The following DST variants were observed in gnomAD, a reference collection of about 807,000 sequenced individuals.
The protein encoded by DST is dystonin, also known as bullous pemphigoid antigen.
In DST, 253 loss-of-function variants were observed where a neutral mutation model predicts 875.2. That is an observed-to-expected ratio of 0.29 (90% confidence interval 0.26 to 0.32). The LOEUF is 0.32. Among genes scored for constraint, DST ranks in the 10% least tolerant of loss-of-function variants. The pLI is 1.00. For synonymous variants in DST, 3,124 were observed against 3,197.1 expected (o/e 0.98, Z 0.77); for missense variants, 8,287 against 9,111.6 (o/e 0.91, Z 3.68).
Position 56,590,220 on chromosome 6 carries a change from C to T in DST, c.12903+1962G>A, listed in dbSNP as rs142531623. Among the ~76,000 whole-genome samples, 7 of 152,286 alleles carry T rather than the reference C, an allele frequency of 4.6e-5. 1 individual carries two copies. The South Asian group carries it at 1.0e-3, about 23-fold the overall frequency. ...GTCTTAGGACTGTAAGAGTCTTCTG[C>T]AGCAATTACTAAATAGGTTTTTCCG... On this transcript the variant is annotated intron_variant, in intron 49 of 103. Coordinates refer to ENST00000680361, the MANE Select transcript of DST (RefSeq NM_001374736.1).
At chr6:56,701,357 T>A (rs561399974) in intron 8 of DST, among the ~76,000 whole-genome samples, 22 of 152,274 alleles carry the variant, frequency 1.4e-4, no homozygotes, top group African/African-American at 5.1e-4. Flanking sequence ...AGTTGGGGGC[T>A]ATTGTCAGAA....
At chr6:56,781,872 CTCT>C (rs1365576803) in intron 4 of DST, among the ~76,000 whole-genome samples, 1 of 152,100 alleles carries the variant, frequency 6.6e-6, no homozygotes, top group Non-Finnish European at 1.5e-5. Flanking sequence ...TCATAGATAG[CTCT>C]TATTATTTTG....
At chr6:56,865,988 T>G (rs60337113) in intron 3 of DST, among the ~76,000 whole-genome samples, 1,541 of 152,164 alleles carry the variant, frequency 0.01, 27 homozygotes, top group African/African-American at 0.036. Context: ...GTTTTTGTTT[T>G]TTTGTTTGTT....
chr6:56,620,667 GCA>G (rs775693057), intron 36 of DST: 1 of 1,614,070 alleles, frequency 6.2e-7, no homozygotes. Flanking sequence ...TGACGCTGAA[GCA>G]GATCTGAATA....
chr6:56,471,918 G>A (rs2094916622), intron 94 of DST, 141 bp downstream of exon 94: 1 of 859,854 alleles, frequency 1.2e-6, no homozygotes, highest in Non-Finnish European at 1.9e-6. Context: ...ATTTATTTTG[G>A]AAATTTAAAA....
chr6:56,701,950 G>A lies in DST; in HGVS notation c.892C>T (p.Arg298Trp), dbSNP rs2099309834. The change falls in exon 8 of 104, where the codon CGG (arginine) becomes TGG (tryptophan). Residue 298 changes from arginine to tryptophan, a missense_variant. This residue lies in a region of DST where 1,160 missense variants were observed against 1,424.3 expected (regional missense o/e 0.81). Transcript: ENST00000680361. ...TTCTGTAGTCTGTGAAAACGCATCCGACCTTTTTCTCTGGGCTAAGAACAG... is the reference window on the plus strand; with the variant it reads ...TTCTGTAGTCTGTGAAAACGCATCCAACCTTTTTCTCTGGGCTAAGAACAG... ...DEDKGPREKGRMRFHRLQNVQ... is the reference protein window; with the variant it reads ...DEDKGPREKGWMRFHRLQNVQ... 2.5e-6 allele frequency: 4 copies of A among 1,610,238 alleles called. No individual in the cohort carries two copies. The highest frequency in any genetic ancestry group is 1.3e-5 in the African/African-American group (1 of 74,968).
In DST at chr6:56,477,482, T is replaced by C. The variant is rs200006386; in HGVS notation, c.21538A>G (p.Met7180Val). The C allele has an allele frequency of 3.8e-4, 619 of 1,613,978 alleles. 4 individuals are homozygous for C. Among genetic ancestry groups the C allele is most frequent in the African/African-American group, 2.3e-3 (171 of 75,044 alleles). ...RTLIDQHKEF[M>V]KKLEEKRAEL... is the part of the protein sequence containing the mutation. ...GCTCTCTTTTCTTCCAGTTTCTTCA[T>C]GAATTCCTACAGCAGAAACAAAGAC... The change falls in exon 91 of 104, where the codon ATG becomes GTG. Residue 7180 changes from methionine (M) to valine (V), a missense_variant. Met to Val is a conservative substitution (Grantham distance 21). Transcript: ENST00000680361.
At chr6:56,521,113 T>C (rs989119255) in intron 69 of DST, among the ~76,000 whole-genome samples, 61 of 152,192 alleles carry the variant, frequency 4.0e-4, no homozygotes, top group African/African-American at 1.4e-3. Flanking sequence ...CATCAACTAA[T>C]TCAGCAGCTT....
At chr6:56,795,825 G>A (rs1279592347) in intron 4 of DST, among the ~76,000 whole-genome samples, 3 of 152,120 alleles carry the variant, frequency 2.0e-5, no homozygotes, top group Admixed American at 6.6e-5. Flanking sequence ...ATCAATCAGC[G>A]CTTTCAAAAT....
chr6:56,508,615 T>C lies in DST; in HGVS notation c.19153A>G (p.Ile6385Val), dbSNP rs764629153. Reference sequence around the variant, plus strand: ...CGGATGAAATCTTGAGTATCTTTAATGGTAACTATCAATGACATGTGATCA... The same window carrying C: ...CGGATGAAATCTTGAGTATCTTTAACGGTAACTATCAATGACATGTGATCA... ...WCDHMSLIVTIKDTQDFIRDL... is the reference protein window; with the variant it reads ...WCDHMSLIVTVKDTQDFIRDL... Residue 6385 changes from isoleucine to valine, a missense_variant, in exon 75 of 104, where the codon ATT becomes GTT. Around this residue, in one of 10 missense-constraint regions of DST, gnomAD observed 1,292 missense variants for 1,552.7 expected, o/e 0.83. Transcript: ENST00000680361. 4 of 1,613,898 alleles carry C rather than the reference T, an allele frequency of 2.5e-6. No homozygotes were observed. The highest frequency in any genetic ancestry group is 3.3e-5 in the Admixed American group (2 of 60,018).
At chr6:56,885,367 C>G (rs371452408) in intron 3 of DST, among the ~76,000 whole-genome samples, 2 of 152,176 alleles carry the variant, frequency 1.3e-5, no homozygotes, top group African/African-American at 4.8e-5. Flanking sequence ...TATGATAATG[C>G]TATTTTTTAA....
rs1319692530 is a variant in DST, at chr6:56,509,844, C to T, written c.18810G>A (p.Glu6270=). ...QFHDKIDQIL[E]SLERIVERLR... Reference sequence around the variant, plus strand: ...GACGTTCCACGATGCGTTCCAGGCTCTCAAGGATCTGATCTATCTTGTCAT... The same window carrying T: ...GACGTTCCACGATGCGTTCCAGGCTTTCAAGGATCTGATCTATCTTGTCAT... Residue 6270 remains glutamate (E), a synonymous_variant, in exon 74 of 104, where the codon GAG becomes GAA. Transcript: ENST00000680361. 3 of 1,612,236 alleles carry T rather than the reference C, an allele frequency of 1.9e-6. No individual in the cohort carries two copies. The highest frequency in any genetic ancestry group is 8.5e-7 in the Non-Finnish European group (1 of 1,179,124).
At chr6:56,645,819 GC>G (rs763719471) in intron 15 of DST, 46 bp downstream of exon 15, 1 of 1,599,000 alleles carries the variant, frequency 6.3e-7, no homozygotes, top group African/African-American at 1.4e-5. Context: ...GAACACAAAG[GC>G]CCCCTCCCCA....
At chr6:56,680,859 T>C (rs1258973340) in intron 9 of DST, among the ~76,000 whole-genome samples, 1 of 152,220 alleles carries the variant, frequency 6.6e-6, no homozygotes, top group African/African-American at 2.4e-5. Context: ...CATACACTTC[T>C]ATTGCAATAG....
At position 56,603,035 on chromosome 6, in the gene DST, G is replaced by C. The variant is rs756966026; in HGVS notation, c.11158-4C>G. The stretch of plus-strand genomic sequence containing the variant: ...CATGGGAAACTGCTAGTTTAGACTA[G>C]AAAAAAAAATTGTGCATTCAGTTAT... On this transcript the variant is annotated splice_region_variant and splice_polypyrimidine_tract_variant and intron_variant, in intron 42 of 103. Transcript: ENST00000680361. 1 of 1,552,350 alleles carries C rather than the reference G, an allele frequency of 6.4e-7. No homozygotes were observed. Among genetic ancestry groups the C allele is most frequent in the South Asian group, 1.2e-5 (1 of 81,290 alleles).
intron 36 of DST, among the ~76,000 whole-genome samples, chr6:56,622,569 CAAAAAAAAAAAA>C (rs61514901): frequency 6.1e-5 from 4 of 65,732 alleles, no homozygotes; most frequent in African/African-American, 1.7e-4. Flanking sequence ...AGATCCGTCT[CAAAAAAAAAAAA>C]AAAAAAAAAA....
Position 56,586,672 on chromosome 6 carries a change from G to C in DST, c.12903+5510C>G, listed in dbSNP as rs999390464. On this transcript the variant is annotated intron_variant, in intron 49 of 103. Transcript: ENST00000680361. ...TGGGAGGCACCCCCCAGTAGGGGCA[G>C]ACTGACACCTCACACGGCCAGGTAC... is the stretch of plus-strand genomic sequence containing the variant. Among the ~76,000 whole-genome samples the C allele has an allele frequency of 2.0e-5, 3 of 152,116 alleles. No individual in the cohort carries two copies. In the South Asian group the frequency reaches 6.2e-4, roughly 32 times the overall value.
At chr6:56,627,367 A>G in intron 33 of DST, 80 bp from the exon 34 acceptor site, 1 of 939,588 alleles carries the variant, frequency 1.1e-6, no homozygotes, top group South Asian at 1.3e-5. Context: ...TAACTAAGAC[A>G]TATCTACATC....
intron 61 of DST, among the ~76,000 whole-genome samples, chr6:56,545,106 G>A (rs900089298): frequency 1.3e-4 from 20 of 151,818 alleles, no homozygotes; most frequent in East Asian, 7.7e-4. Context: ...TTGACCTCTC[G>A]GGCTCATGTG....
Sources: gnomAD v4.1 joint callset for allele counts (sites outside exome capture counted in the v4.1 genomes callset) on GRCh38, gnomAD v4.1.1 for gene constraint, gnomAD v4.1.1 regional missense constraint, MANE v1.5 for transcripts, NCBI Gene and HGNC (gene_info 2026-07-23, HGNC 2026-07-21) for gene names.